Variants in ZNF804B observed in about 807,000 individuals in gnomAD.
The protein encoded by ZNF804B is zinc finger protein 804B.
A neutral mutation model predicts 101.4 loss-of-function variants in ZNF804B; 80 were observed. The ratio of observed to expected loss-of-function variants is 0.79; its 90% CI spans 0.66 to 0.95. ZNF804B has a LOEUF of 0.95. Ranked by LOEUF, ZNF804B falls within the 40% of genes least tolerant of loss-of-function variation. The probability of loss-of-function intolerance (pLI) is 0.00; values close to 1 mark genes in which losing one functional copy is unlikely to be tolerated. For missense variants in ZNF804B, 1,673 were observed against 1,561.9 expected, an observed-to-expected ratio of 1.07 and a Z score of -1.20; for synonymous variants, 622 against 558.8, an observed-to-expected ratio of 1.11 and a Z score of -1.59.
intron 1 of ZNF804B, among the ~76,000 whole-genome samples, chr7:88,998,501 C>T (rs1191379557): frequency 6.6e-6 from 1 of 151,950 alleles, no homozygotes. Flanking sequence ...TCAAGAAGAA[C>T]AGAGGAGATG....
chr7:89,014,354 C>A (rs1300920182), intron 1 of ZNF804B, among the ~76,000 whole-genome samples: 1 of 152,076 alleles, frequency 6.6e-6, no homozygotes, highest in African/African-American at 2.4e-5. Context: ...CTCTGTTGCC[C>A]AGGCTGGAGT....
chr7:88,943,169 T>A (rs764717675), intron 1 of ZNF804B, among the ~76,000 whole-genome samples: 2 of 151,904 alleles, frequency 1.3e-5, no homozygotes, highest in East Asian at 3.9e-4. Context: ...AAAATAAAAA[T>A]CAGGACTTAG....
At chr7:89,002,270 A>C (rs1003405672) in intron 1 of ZNF804B, among the ~76,000 whole-genome samples, 2 of 151,838 alleles carry the variant, frequency 1.3e-5, no homozygotes, top group Non-Finnish European at 2.9e-5. Flanking sequence ...TTTAGTGCTT[A>C]ATTTAGTTAA....
intron 1 of ZNF804B, among the ~76,000 whole-genome samples, chr7:88,761,315 G>A (rs1221115392): frequency 6.6e-6 from 1 of 152,138 alleles, no homozygotes; most frequent in Non-Finnish European, 1.5e-5. Flanking sequence ...CCCAACAACT[G>A]TATACAGTAC....
chr7:88,868,693 T>C (rs1791773660), intron 1 of ZNF804B, among the ~76,000 whole-genome samples: 2 of 152,232 alleles, frequency 1.3e-5, no homozygotes, highest in Non-Finnish European at 2.9e-5. Flanking sequence ...TAATCTCAGA[T>C]GCTTTACAAC....
chr7:89,017,721 A>G (rs1259258905), intron 1 of ZNF804B, among the ~76,000 whole-genome samples: 4 of 151,964 alleles, frequency 2.6e-5, no homozygotes, highest in Non-Finnish European at 5.9e-5. Context: ...CATTTTTCTT[A>G]TAGAGATTGA....
rs1411922074 is a variant in ZNF804B, at chr7:88,877,029, AT to A, written c.108+116946del. Among the ~76,000 whole-genome samples the A allele has an allele frequency of 4.5e-3, 161 of 35,894 alleles. 4 individuals are homozygous for A. The highest frequency in any genetic ancestry group is 0.018 in the African/African-American group (119 of 6,528). The allele number at this position is 35,894 out of a possible 152,430, so 23.5% of individuals were successfully genotyped here. Reference sequence around the variant, plus strand: ...AAAAATATATATATATATATATAATATATATATATATATATATATATTTTTT... The same window carrying A: ...AAAAATATATATATATATATATAATAATATATATATATATATATATTTTTT... On this transcript the variant is annotated intron_variant, in intron 1 of 3. Coordinates refer to ENST00000333190, the MANE Select transcript of ZNF804B (RefSeq NM_181646.5).
At chr7:88,900,337 G>A (rs924091726) in intron 1 of ZNF804B, among the ~76,000 whole-genome samples, 3 of 151,554 alleles carry the variant, frequency 2.0e-5, no homozygotes, top group Admixed American at 6.6e-5. Context: ...TATTTAAATG[G>A]AATGAATAAA....
At chr7:89,084,358 AC>A (rs1489200326) in intron 1 of ZNF804B, among the ~76,000 whole-genome samples, 1 of 151,920 alleles carries the variant, frequency 6.6e-6, no homozygotes, top group Non-Finnish European at 1.5e-5. Flanking sequence ...AAGTCAAGAT[AC>A]TGAAAGAGAG....
intron 1 of ZNF804B, among the ~76,000 whole-genome samples, chr7:88,847,196 A>G (rs1251667812): frequency 6.6e-6 from 1 of 152,014 alleles, no homozygotes; most frequent in Non-Finnish European, 1.5e-5. Flanking sequence ...GAAGTGAAAA[A>G]GCAAAGCACA....
chr7:88,854,414 C>CTTTCTTTCTTTCTTTCTTCCTTTCTTT (rs1791502231), intron 1 of ZNF804B, among the ~76,000 whole-genome samples: 1 of 57,076 alleles, frequency 1.8e-5, no homozygotes, highest in Non-Finnish European at 3.6e-5. Context: ...TTTCTTTCTT[C>CTTTCTTTCTTTCTTTCTTCCTTTCTTT]CTTTCTTTCT....
intron 1 of ZNF804B, among the ~76,000 whole-genome samples, chr7:88,854,533 T>TTCCTTTCCTTTCCTTCC (rs796987599): frequency 1.3e-5 from 1 of 78,178 alleles, no homozygotes; most frequent in African/African-American, 5.8e-5. Flanking sequence ...TTCCTTTCCT[T>TTCCTTTCCTTTCCTTCC]CCTTCCTTCC....
At chr7:89,112,828 C>A (rs978498575) in intron 1 of ZNF804B, among the ~76,000 whole-genome samples, 2 of 152,102 alleles carry the variant, frequency 1.3e-5, no homozygotes, top group African/African-American at 4.8e-5. Flanking sequence ...TGCGTCTTGA[C>A]CCTCAGTTGG....
intron 1 of ZNF804B, among the ~76,000 whole-genome samples, chr7:89,121,429 A>G (rs1790404632): frequency 6.6e-6 from 1 of 152,198 alleles, no homozygotes; most frequent in African/African-American, 2.4e-5. Flanking sequence ...ATTAATAGCC[A>G]TGGAATAAAA....
At position 89,235,107 on chromosome 7, in the gene ZNF804B, CCTTAT is replaced by C. The variant is rs537229126; in HGVS notation, c.249+16816_249+16820del. 2.0e-5 allele frequency among the ~76,000 whole-genome samples: 3 copies of C among 152,148 alleles called. No homozygotes were observed. In the South Asian group the frequency reaches 6.2e-4, roughly 32 times the overall value. Reference sequence around the variant, plus strand: ...ATTTTTAATCTGCATGTAATTGTCTCCTTATCTTTTTATTCTCTATGAGAGCATCA... The same window carrying C: ...ATTTTTAATCTGCATGTAATTGTCTCCTTTTTATTCTCTATGAGAGCATCA... On this transcript the variant is annotated intron_variant, in intron 2 of 3. Coordinates refer to ENST00000333190, the MANE Select transcript of ZNF804B (RefSeq NM_181646.5).
chr7:88,928,443 G>A (rs1468576386), intron 1 of ZNF804B, among the ~76,000 whole-genome samples: 2 of 152,164 alleles, frequency 1.3e-5, no homozygotes, highest in Non-Finnish European at 2.9e-5. Flanking sequence ...AAGAGACTTT[G>A]AAGTGCTAAA....
intron 1 of ZNF804B, among the ~76,000 whole-genome samples, chr7:89,037,296 C>G (rs568831847): frequency 6.6e-6 from 1 of 152,004 alleles, no homozygotes; most frequent in Non-Finnish European, 1.5e-5. Flanking sequence ...AGAATGTCCA[C>G]TAAATAGCAT....
In ZNF804B at chr7:88,854,476, T is replaced by TCTTTCCTTTCCTTTC. The variant is rs1554340147; in HGVS notation, c.108+94426_108+94440dup. Among the ~76,000 whole-genome samples, 13 of 48,756 alleles carry TCTTTCCTTTCCTTTC rather than the reference T, an allele frequency of 2.7e-4. 1 individual carries two copies. Among genetic ancestry groups the TCTTTCCTTTCCTTTC allele is most frequent in the Admixed American group, 6.9e-4 (3 of 4,340 alleles). 32.0% of individuals were successfully genotyped at this position (48,756 alleles called of 152,430 possible). On this transcript the variant is annotated intron_variant, in intron 1 of 3. Transcript: ENST00000333190. ...CTTTCTTTCTTTCTTTCTTTCTTTC[T>TCTTTCCTTTCCTTTC]CTTTCCTTTCCTTTCCTTTCCTTTC...
At chr7:88,896,817 T>C (rs1312949573) in intron 1 of ZNF804B, among the ~76,000 whole-genome samples, 12 of 152,338 alleles carry the variant, frequency 7.9e-5, no homozygotes, top group Non-Finnish European at 1.3e-4. Flanking sequence ...ATAGAAAGGT[T>C]GTCTTTCAGA....
Sources: gnomAD v4.1 joint callset for allele counts (sites outside exome capture counted in the v4.1 genomes callset) on GRCh38, gnomAD v4.1.1 for gene constraint, MANE v1.5 for transcripts, NCBI Gene and HGNC (gene_info 2026-07-23, HGNC 2026-07-21) for gene names.